NCOR1: variants seen among roughly 807,000 people sequenced by gnomAD.
NCOR1 encodes protein phosphatase 1, regulatory subunit 109.
A neutral mutation model predicts 288.1 loss-of-function variants in NCOR1; 63 were observed. That is an observed-to-expected ratio of 0.22 (90% confidence interval 0.18 to 0.27). NCOR1 has a LOEUF of 0.27. Ranked by LOEUF, NCOR1 falls within the 10% of genes least tolerant of loss-of-function variation. NCOR1 has a pLI of 1.00. For missense variants in NCOR1, 2,397 were observed against 3,019.2 expected, an observed-to-expected ratio of 0.79 and a Z score of 4.83; for synonymous variants, 1,007 against 1,065.9, an observed-to-expected ratio of 0.94 and a Z score of 1.08.
intron 2 of NCOR1, among the ~76,000 whole-genome samples, chr17:16,188,934 A>G (rs1034579965): frequency 6.6e-6 from 1 of 152,098 alleles, no homozygotes; most frequent in Admixed American, 6.6e-5. Context: ...CTGAGGCAGT[A>G]GAATCGCTTG....
chr17:16,199,377 C>T (rs571403480), intron 1 of NCOR1, among the ~76,000 whole-genome samples: 2 of 152,106 alleles, frequency 1.3e-5, no homozygotes, highest in Admixed American at 1.3e-4. Context: ...ATGAGATACA[C>T]GGCAACAGTG....
chr17:16,180,845 A>T (rs1391053924), intron 3 of NCOR1, among the ~76,000 whole-genome samples: 1 of 151,948 alleles, frequency 6.6e-6, no homozygotes, highest in African/African-American at 2.4e-5. Flanking sequence ...CTAGATGCCC[A>T]CTGACAGATG....
At chr17:16,177,485 G>A (rs2084438471) in intron 3 of NCOR1, among the ~76,000 whole-genome samples, 3 of 152,060 alleles carry the variant, frequency 2.0e-5, no homozygotes, top group Non-Finnish European at 4.4e-5. Flanking sequence ...CTTTGGCGTG[G>A]GATAGTCTGG....
intron 3 of NCOR1, among the ~76,000 whole-genome samples, chr17:16,178,015 G>C (rs577538545): frequency 1.3e-5 from 2 of 150,590 alleles, no homozygotes; most frequent in Non-Finnish European, 3.0e-5. Context: ...TTCGAGACTA[G>C]CCTGGCCAAC....
chr17:16,143,926 G>A (rs899306564), intron 10 of NCOR1, among the ~76,000 whole-genome samples: 2 of 152,102 alleles, frequency 1.3e-5, no homozygotes, highest in Non-Finnish European at 2.9e-5. Context: ...TTCAAATGGT[G>A]GAACTAGTTA....
intron 14 of NCOR1, among the ~76,000 whole-genome samples, chr17:16,132,260 T>C (rs2075759629): frequency 6.6e-6 from 1 of 152,196 alleles, no homozygotes; most frequent in Non-Finnish European, 1.5e-5. Context: ...GTTTCTAACA[T>C]GACTTGCTTT....
At chr17:16,177,010 G>A (rs1356225803) in intron 3 of NCOR1, among the ~76,000 whole-genome samples, 2 of 151,876 alleles carry the variant, frequency 1.3e-5, no homozygotes, top group African/African-American at 4.9e-5. Context: ...TGTTCTTATA[G>A]TATACTGGAT....
intron 18 of NCOR1, among the ~76,000 whole-genome samples, chr17:16,116,070 G>A (rs2071507479): frequency 6.6e-6 from 1 of 152,082 alleles, no homozygotes; most frequent in Non-Finnish European, 1.5e-5. Context: ...TGCATGGATG[G>A]GGCAGGCAAA....
chr17:16,205,763 C>T (rs1339181527), intron 1 of NCOR1, among the ~76,000 whole-genome samples: 1 of 151,168 alleles, frequency 6.6e-6, no homozygotes, highest in Non-Finnish European at 1.5e-5. Flanking sequence ...CACAGAGAAA[C>T]CCTGTCTCTA....
intron 14 of NCOR1, among the ~76,000 whole-genome samples, chr17:16,127,574 T>TATACATATGTGTATATATGTATGTATAC (rs1301991552): frequency 3.0e-4 from 42 of 137,998 alleles, no homozygotes; most frequent in Admixed American, 1.6e-3. Context: ...TGTATGTATA[T>TATACATATGTGTATATATGTATGTATAC]ATACATATGT....
chr17:16,195,416 A>G lies in NCOR1; in HGVS notation c.-70-777T>C, dbSNP rs559829652. The stretch of plus-strand genomic sequence containing the variant: ...AGCCTGGAAGGCGGAGGTTGCAGTG[A>G]GCCGAGATCACGCCATTGCACGCCA... On this transcript the variant is annotated intron_variant, in intron 1 of 45. Coordinates refer to ENST00000268712, the MANE Select transcript of NCOR1 (RefSeq NM_006311.4). Among the ~76,000 whole-genome samples the G allele has an allele frequency of 2.0e-5, 3 of 152,274 alleles. No individual in the cohort carries two copies. The East Asian group carries it at 5.8e-4, about 29-fold the overall frequency.
At chr17:16,100,162 A>T (rs1327009493) in intron 20 of NCOR1, among the ~76,000 whole-genome samples, 1 of 152,206 alleles carries the variant, frequency 6.6e-6, no homozygotes, top group Non-Finnish European at 1.5e-5. Flanking sequence ...GCACCAATTT[A>T]TCATTCTACT....
chr17:16,068,708 A>G (rs1294277447), intron 31 of NCOR1, among the ~76,000 whole-genome samples: 1 of 141,552 alleles, frequency 7.1e-6, no homozygotes, highest in Non-Finnish European at 1.5e-5. Context: ...ATTAGCCATC[A>G]TCCTCAATTT....
rs1198638355 is a variant in NCOR1 at position 16,087,086 on chromosome 17, G to A, written c.3017-644C>T. On this transcript the variant is annotated intron_variant, in intron 22 of 45. Transcript: ENST00000268712. Reference sequence around the variant, plus strand: ...AACAGCAAGGACACGTCCTGGAAGAGCAGTTCATTCACGAGATTAAACCAC... The same window carrying A: ...AACAGCAAGGACACGTCCTGGAAGAACAGTTCATTCACGAGATTAAACCAC... 12 of 960,166 alleles carry A rather than the reference G, an allele frequency of 1.2e-5. No homozygotes were observed. In the Admixed American group the frequency reaches 3.3e-4, roughly 26 times the overall value. 59.5% of individuals were successfully genotyped at this position (960,166 alleles called of 1,614,324 possible).
rs1435529073 is a variant in NCOR1, at chr17:16,067,874, T to C, written c.4741+20A>G. On this transcript the variant is annotated intron_variant, in intron 32 of 45. Coordinates refer to ENST00000268712, the MANE Select transcript of NCOR1 (RefSeq NM_006311.4). ...TGGCATATTTATTTGCCATAAATTA[T>C]CACTATATTTTGTGTTTACCAGGAT... is the stretch of plus-strand genomic sequence containing the variant. 10 of 1,592,528 alleles carry C rather than the reference T, an allele frequency of 6.3e-6. No individual in the cohort carries two copies. In the East Asian group the frequency reaches 6.7e-5, roughly 11 times the overall value.
intron 37 of NCOR1, among the ~76,000 whole-genome samples, chr17:16,058,977 A>T (rs2060242991): frequency 7.8e-6 from 1 of 128,506 alleles, no homozygotes; most frequent in South Asian, 2.6e-4. Context: ...TGAACCCGGG[A>T]GGCGGAGGTT....
chr17:16,180,628 G>A (rs1186800941), intron 3 of NCOR1, among the ~76,000 whole-genome samples: 1 of 150,606 alleles, frequency 6.6e-6, no homozygotes, highest in Non-Finnish European at 1.5e-5. Flanking sequence ...TGCACCTGTG[G>A]TGCCAGCTAC....
At chr17:16,106,813 G>T (rs1238248876) in intron 19 of NCOR1, among the ~76,000 whole-genome samples, 4 of 131,870 alleles carry the variant, frequency 3.0e-5, no homozygotes, top group Non-Finnish European at 6.2e-5. Context: ...TCTTCTAGAT[G>T]ATTGAGCAGA....
intron 20 of NCOR1, among the ~76,000 whole-genome samples, chr17:16,099,617 T>C (rs149513218): frequency 2.0e-5 from 3 of 152,298 alleles, no homozygotes; most frequent in African/African-American, 7.2e-5. Flanking sequence ...TTCCTTCACG[T>C]ATAGTTACCA....
Sources: gnomAD v4.1 joint callset for allele counts (sites outside exome capture counted in the v4.1 genomes callset) on GRCh38, gnomAD v4.1.1 for gene constraint, MANE v1.5 for transcripts, NCBI Gene and HGNC (gene_info 2026-07-23, HGNC 2026-07-21) for gene names.